Variants in BAG3 observed in about 807,000 individuals in gnomAD.
The protein encoded by BAG3 is BAG family molecular chaperone regulator 3.
In BAG3, 14 loss-of-function variants were observed where a neutral mutation model predicts 40.5. That is an observed-to-expected ratio of 0.35 (90% CI 0.23 to 0.54). The LOEUF is 0.54. BAG3 is among the 20% of genes least tolerant of loss of function. BAG3 has a pLI of 0.91. For synonymous variants in BAG3, 302 were observed against 307.8 expected (o/e 0.98, Z 0.20); for missense variants, 788 against 758.6 (o/e 1.04, Z -0.46).
At chr10:119,662,983 C>G (rs759222709) in intron 1 of BAG3, among the ~76,000 whole-genome samples, 1 of 152,160 alleles carries the variant, frequency 6.6e-6, no homozygotes, top group South Asian at 2.1e-4. Flanking sequence ...CCACTGCACT[C>G]CAGCCTAGGC....
chr10:119,675,189 C>A (rs922497184), intron 3 of BAG3, among the ~76,000 whole-genome samples: 1 of 152,006 alleles, frequency 6.6e-6, no homozygotes, highest in African/African-American at 2.4e-5. Flanking sequence ...AAAAATTAGC[C>A]AGGCATGATG....
At chr10:119,659,299 C>T (rs1329716822) in intron 1 of BAG3, among the ~76,000 whole-genome samples, 1 of 152,108 alleles carries the variant, frequency 6.6e-6, no homozygotes, top group Non-Finnish European at 1.5e-5. Flanking sequence ...TTTACTCAGC[C>T]TCAGCTCCTC....
intron 1 of BAG3, among the ~76,000 whole-genome samples, chr10:119,652,111 G>T (rs1846850892): frequency 6.6e-6 from 1 of 152,090 alleles, no homozygotes. Flanking sequence ...CGACCCCGCA[G>T]TGGCTCCGGT....
chr10:119,660,305 A>G (rs923223516), intron 1 of BAG3, among the ~76,000 whole-genome samples: 2 of 152,238 alleles, frequency 1.3e-5, no homozygotes, highest in African/African-American at 2.4e-5. Context: ...CTGCTCAGCC[A>G]GGAGTTTGTC....
chr10:119,659,598 C>T (rs924880123), intron 1 of BAG3, among the ~76,000 whole-genome samples: 5 of 152,158 alleles, frequency 3.3e-5, no homozygotes, highest in African/African-American at 4.8e-5. Flanking sequence ...GGGGTCTCAC[C>T]GTCCATCAGA....
At chr10:119,658,271 C>T (rs558669528) in intron 1 of BAG3, among the ~76,000 whole-genome samples, 5 of 152,396 alleles carry the variant, frequency 3.3e-5, no homozygotes, top group South Asian at 4.1e-4. Context: ...CCAGCCCCTT[C>T]GCTGGCCCAC....
intron 1 of BAG3, among the ~76,000 whole-genome samples, chr10:119,666,556 C>CGAGATGCATGAGGTGCTCAGT (rs2134061200): frequency 6.6e-6 from 1 of 151,906 alleles, no homozygotes; most frequent in South Asian, 2.1e-4. Flanking sequence ...ATGTGCTCAG[C>CGAGATGCATGAGGTGCTCAGT]GAGATGCACG....
chr10:119,657,734 G>A (rs574384205), intron 1 of BAG3, among the ~76,000 whole-genome samples: 1 of 152,380 alleles, frequency 6.6e-6, no homozygotes, highest in Non-Finnish European at 1.5e-5. Context: ...GTCTGGAGAA[G>A]CTCTTTTTTG....
chr10:119,662,925 G>A (rs1490545545), intron 1 of BAG3, among the ~76,000 whole-genome samples: 1 of 152,214 alleles, frequency 6.6e-6, no homozygotes, highest in African/African-American at 2.4e-5. Flanking sequence ...TAAGGCAGGA[G>A]AGTGGCGTGA....
intron 1 of BAG3, among the ~76,000 whole-genome samples, chr10:119,652,644 A>G (rs1846859751): frequency 1.3e-5 from 2 of 152,180 alleles, no homozygotes; most frequent in Admixed American, 1.3e-4. Flanking sequence ...CACTGGAGAG[A>G]AAGAGAATGA....
chr10:119,665,092 T>TTTGTGTGTGTGTGTGTGTGTG (rs1554876558), intron 1 of BAG3, among the ~76,000 whole-genome samples: 6 of 87,990 alleles, frequency 6.8e-5, no homozygotes, highest in Non-Finnish European at 9.1e-5. Context: ...TAATTTTTGT[T>TTTGTGTGTGTGTGTGTGTGTG]TGTGTGTGTG....
chr10:119,665,986 T>C (rs1378682130), intron 1 of BAG3, among the ~76,000 whole-genome samples: 3 of 152,210 alleles, frequency 2.0e-5, no homozygotes, highest in Admixed American at 6.5e-5. Context: ...TTGCCTGTCC[T>C]GACCGTCTCT....
At chr10:119,660,381 C>G (rs1032548224) in intron 1 of BAG3, among the ~76,000 whole-genome samples, 22 of 152,208 alleles carry the variant, frequency 1.4e-4, no homozygotes, top group Admixed American at 3.3e-4. Context: ...GTTTAGGGCT[C>G]AGGTCCCTAG....
In BAG3 at chr10:119,672,050, A is replaced by G. The variant is rs1847156739; in HGVS notation, c.508-205A>G. 6.6e-6 allele frequency among the ~76,000 whole-genome samples: 1 copy of G among 152,100 alleles called. No individual in the cohort carries two copies. The highest frequency in any genetic ancestry group is 1.5e-5 in the Non-Finnish European group (1 of 68,004). On this transcript the variant is annotated intron_variant, in intron 2 of 3. Coordinates refer to ENST00000369085, the MANE Select transcript of BAG3 (RefSeq NM_004281.4). The surrounding 1 kb of genome is among the most constrained non-coding windows in gnomAD (Gnocchi z 4.8). ...GTGGTCCACTCACCTAGGCCTCCCA[A>G]AGTGCTGGGATTACAGGTGTGAGCC...
chr10:119,668,150 A>G (rs1847092251), intron 1 of BAG3, among the ~76,000 whole-genome samples: 1 of 152,240 alleles, frequency 6.6e-6, no homozygotes, highest in Non-Finnish European at 1.5e-5. Flanking sequence ...GTCCCCAAGG[A>G]CACAGTGACA....
intron 1 of BAG3, among the ~76,000 whole-genome samples, chr10:119,668,489 T>TATA (rs1348244323): frequency 3.3e-5 from 5 of 152,318 alleles, no homozygotes; most frequent in Middle Eastern, 3.4e-3. Flanking sequence ...CTTACACAGA[T>TATA]ATATGCAAAT....
intron 1 of BAG3, among the ~76,000 whole-genome samples, chr10:119,667,843 A>G (rs1396857889): frequency 6.6e-6 from 1 of 152,250 alleles, no homozygotes; most frequent in Non-Finnish European, 1.5e-5. Context: ...CTGGGCAGCC[A>G]GCAAAAATGA....
At chr10:119,662,378 C>T (rs1589625068) in intron 1 of BAG3, among the ~76,000 whole-genome samples, 1 of 151,980 alleles carries the variant, frequency 6.6e-6, no homozygotes, top group Non-Finnish European at 1.5e-5. Flanking sequence ...TCCAGTTGCA[C>T]TTTGGAAGAA....
intron 1 of BAG3, among the ~76,000 whole-genome samples, chr10:119,660,702 A>G (rs1846980882): frequency 6.6e-6 from 1 of 151,902 alleles, no homozygotes; most frequent in Non-Finnish European, 1.5e-5. Flanking sequence ...ATAAATAAAT[A>G]TTTTTTTAAA....
Sources: allele counts gnomAD v4.1 joint callset (sites outside exome capture counted in the v4.1 genomes callset), GRCh38; gene constraint gnomAD v4.1.1; non-coding constraint Gnocchi (gnomAD v3.1); transcripts MANE v1.5; gene names NCBI Gene and HGNC (gene_info 2026-07-23, HGNC 2026-07-21).